PHEX: variants seen among roughly 807,000 people sequenced by gnomAD.
PHEX encodes the protein phosphate-regulating neutral endopeptidase PHEX.
Under a neutral mutation model 68.0 loss-of-function variants are expected in PHEX, and 16 were observed. The ratio of observed to expected loss-of-function variants is 0.24; its 90% CI spans 0.16 to 0.36. PHEX has a LOEUF of 0.36. Among genes scored for constraint, PHEX ranks in the 10% least tolerant of loss-of-function variants. The pLI, the probability that PHEX is intolerant of heterozygous loss-of-function variation, is 1.00. For missense variants in PHEX, 480 were observed against 575.5 expected (o/e 0.83, Z 1.70); for synonymous variants, 208 against 205.1 (o/e 1.01, Z -0.12).
At chrX:22,150,862 T>C (rs1440196420) in intron 12 of PHEX, among the ~76,000 whole-genome samples, 1 of 112,596 alleles carries the variant, frequency 8.9e-6, no homozygotes, top group Non-Finnish European at 1.9e-5. Flanking sequence ...GCTCATTGCT[T>C]TGCCTTGAAT....
At chrX:22,186,908 A>T (rs1934049137) in intron 14 of PHEX, among the ~76,000 whole-genome samples, 1 of 111,979 alleles carries the variant, frequency 8.9e-6, no homozygotes, top group South Asian at 3.7e-4. Flanking sequence ...GTTGGGAAGA[A>T]CAAAAAGAGA....
At chrX:22,201,354 T>C (rs958730309) in intron 15 of PHEX, among the ~76,000 whole-genome samples, 3 of 110,944 alleles carry the variant, frequency 2.7e-5, no homozygotes, top group African/African-American at 9.9e-5. Context: ...TTTTTTAAAA[T>C]ATATATTTTT....
At chrX:22,136,327 T>C (rs1030698754) in intron 12 of PHEX, among the ~76,000 whole-genome samples, 1 of 112,098 alleles carries the variant, frequency 8.9e-6, no homozygotes, top group Non-Finnish European at 1.9e-5. Context: ...TTTCTGATAC[T>C]GAGTAGCCCC....
chrX:22,183,808 TAC>T (rs753198624), intron 14 of PHEX, among the ~76,000 whole-genome samples: 1 of 111,793 alleles, frequency 8.9e-6, no homozygotes. Context: ...ATATTGGCAA[TAC>T]AGTCAGTCTA....
intron 15 of PHEX, among the ~76,000 whole-genome samples, chrX:22,197,591 C>G (rs1369403586): frequency 9.0e-6 from 1 of 110,675 alleles, no homozygotes; most frequent in Non-Finnish European, 1.9e-5. Flanking sequence ...TTCAGATGAC[C>G]GTGGCCCAGG....
intron 8 of PHEX, chrX:22,098,114 A>ATTTT: frequency 9.4e-6 from 1 of 106,075 alleles, no homozygotes; most frequent in Admixed American, 1.1e-4. Context: ...TTTTTTTTTA[A>ATTTT]AAACTGTGTC....
intron 9 of PHEX, among the ~76,000 whole-genome samples, chrX:22,110,288 C>G (rs974485208): frequency 9.8e-5 from 11 of 112,076 alleles, no homozygotes; most frequent in Middle Eastern, 4.7e-3. Context: ...AAAACATCAC[C>G]AAACTTCTAA....
chrX:22,185,117 C>A (rs1352371388), intron 14 of PHEX, among the ~76,000 whole-genome samples: 1 of 111,825 alleles, frequency 8.9e-6, no homozygotes, highest in Admixed American at 9.5e-5. Flanking sequence ...GTATCTCATT[C>A]TCCAGTATAA....
At chrX:22,097,951 A>G in intron 8 of PHEX, 1 of 174,084 alleles carries the variant, frequency 5.7e-6, no homozygotes, top group Non-Finnish European at 1.1e-5. Context: ...TATTTTTGAT[A>G]GAGATGGGAT....
At chrX:22,034,549 C>T (rs893673035) in intron 1 of PHEX, among the ~76,000 whole-genome samples, 4 of 112,074 alleles carry the variant, frequency 3.6e-5, no homozygotes, top group East Asian at 5.6e-4. Flanking sequence ...TCAAGCCAGA[C>T]GCTACTATTA....
chrX:22,042,653 C>T (rs1048611202), intron 2 of PHEX, among the ~76,000 whole-genome samples: 5 of 110,930 alleles, frequency 4.5e-5, no homozygotes, highest in South Asian at 3.8e-4. Context: ...GGCGTGGTGG[C>T]GCAAGTCTGT....
At chrX:22,151,107 G>A (rs1286156633) in intron 12 of PHEX, among the ~76,000 whole-genome samples, 1 of 112,462 alleles carries the variant, frequency 8.9e-6, no homozygotes, top group Non-Finnish European at 1.9e-5. Context: ...CTGAGAGGTA[G>A]AGAGCAGAGA....
At chrX:22,243,067 T>C (rs12009682) in intron 20 of PHEX, among the ~76,000 whole-genome samples, 353 of 112,107 alleles carry the variant, frequency 3.1e-3, no homozygotes, top group African/African-American at 0.011. Context: ...AGCATGGTAC[T>C]GGTACCAAAA....
rs201080441 is a variant in PHEX at position 22,209,762 on chromosome X, C to G, written c.1646-3142C>G. Among the ~76,000 whole-genome samples, 269 of 72,017 alleles carry G rather than the reference C, an allele frequency of 3.7e-3. 1 individual carries two copies. Among genetic ancestry groups the G allele is most frequent in the Middle Eastern group, 7.8e-3 (1 of 128 alleles). 62.5% of individuals were successfully genotyped at this position (72,017 alleles called of 115,157 possible). ...TCCCTCTGCTCCCTCTCCTCCCTCT[C>G]CTCCCTCTCCTCCCTCTCCTCCCTC... On this transcript the variant is annotated intron_variant, in intron 15 of 21. Transcript: ENST00000379374.
chrX:22,180,351 T>A (rs1246061434), intron 14 of PHEX, among the ~76,000 whole-genome samples: 1 of 111,534 alleles, frequency 9.0e-6, no homozygotes, highest in African/African-American at 3.3e-5. Context: ...GTGCCTAGTT[T>A]CCCAGTCAGC....
chrX:22,171,115 C>T (rs1201694988), intron 13 of PHEX: 2 of 111,658 alleles, frequency 1.8e-5, no homozygotes, highest in East Asian at 2.8e-4. Flanking sequence ...AAGAAATACC[C>T]GAGACTGGAT....
intron 20 of PHEX, among the ~76,000 whole-genome samples, chrX:22,235,740 A>G (rs1481175926): frequency 9.1e-6 from 1 of 110,447 alleles, no homozygotes; most frequent in African/African-American, 3.4e-5. Context: ...CTTATCATAT[A>G]TAGTTAGTTA....
chrX:22,051,578 C>G (rs752451051), intron 3 of PHEX, among the ~76,000 whole-genome samples: 4 of 111,952 alleles, frequency 3.6e-5, no homozygotes, highest in East Asian at 2.8e-4. Context: ...GATTTAAAAA[C>G]TTTTTATTTT....
intron 3 of PHEX, among the ~76,000 whole-genome samples, chrX:22,069,056 C>A (rs940484250): frequency 8.9e-6 from 1 of 112,064 alleles, no homozygotes; most frequent in African/African-American, 3.2e-5. Context: ...ATCGCTTGAA[C>A]CCGGGAGGCA....
Sources: allele counts gnomAD v4.1 joint callset (sites outside exome capture counted in the v4.1 genomes callset), GRCh38; gene constraint gnomAD v4.1.1; transcripts MANE v1.5; gene names NCBI Gene and HGNC (gene_info 2026-07-23, HGNC 2026-07-21).